WDR41: variants seen among roughly 807,000 people sequenced by gnomAD.
The protein encoded by WDR41 is WD repeat domain 41, also known as WD repeat-containing protein 41.
In WDR41, 63 loss-of-function variants were observed where a neutral mutation model predicts 69.3. The observed-to-expected ratio is 0.91, with a 90% CI of 0.74 to 1.12. The LOEUF is 1.12. Among genes scored for constraint, WDR41 ranks in the 50% most tolerant of loss-of-function variants. The probability of loss-of-function intolerance (pLI) is 0.00; values close to 1 mark genes in which losing one functional copy is unlikely to be tolerated. For synonymous variants in WDR41, 185 were observed against 192.1 expected, an observed-to-expected ratio of 0.96 and a Z score of 0.31; for missense variants, 543 against 534.5, an observed-to-expected ratio of 1.02 and a Z score of -0.16.
At chr5:77,441,090 C>G in intron 8 of WDR41, 93 bp from the exon 9 acceptor site, 1 of 1,346,512 alleles carries the variant, frequency 7.4e-7, no homozygotes, top group Non-Finnish European at 9.9e-7. Context: ...CCGTATAAAA[C>G]CACAGTAATT....
At chr5:77,546,549 A>G (rs1336635921) in intron 1 of WDR41, among the ~76,000 whole-genome samples, 1 of 152,140 alleles carries the variant, frequency 6.6e-6, no homozygotes, top group Non-Finnish European at 1.5e-5. Context: ...GGAAAGATAC[A>G]ACCCTCTTAG....
At chr5:77,451,171 C>T (rs983820769) in intron 7 of WDR41, 120 bp downstream of exon 7, 10 of 859,996 alleles carry the variant, frequency 1.2e-5, no homozygotes, top group Non-Finnish European at 1.8e-5. Flanking sequence ...TTCAACAATC[C>T]CAAGAAGCCA....
At chr5:77,578,128 C>A (rs1743866485) in intron 1 of WDR41, among the ~76,000 whole-genome samples, 1 of 152,152 alleles carries the variant, frequency 6.6e-6, no homozygotes. Context: ...CTACTAAATG[C>A]ATATTACTTT....
intron 1 of WDR41, among the ~76,000 whole-genome samples, chr5:77,532,057 C>A (rs184600759): frequency 6.8e-4 from 103 of 152,058 alleles, no homozygotes; most frequent in Admixed American, 9.8e-4. Context: ...TTGTGAATGA[C>A]TACTTGTGAA....
chr5:77,469,377 T>G (rs1800456355), intron 2 of WDR41, among the ~76,000 whole-genome samples: 1 of 152,162 alleles, frequency 6.6e-6, no homozygotes, highest in Admixed American at 6.6e-5. Context: ...TGTACCCTAG[T>G]TGTCTCTCCT....
In WDR41 at chr5:77,440,892, T is replaced by C; in HGVS notation, c.803A>G (p.Gln268Arg). The C allele has an allele frequency of 6.2e-7, 1 of 1,614,200 alleles. No individual in the cohort carries two copies. The highest frequency in any genetic ancestry group is 1.1e-5 in the South Asian group (1 of 91,084). Residue 268 changes from glutamine to arginine, a missense_variant, in exon 9 of 13, where the codon CAA becomes CGA. Transcript: ENST00000296679. ...TTTTATTTCTTGTTGGGTGTCCAGT[T>C]GTGGAGATGGGTCCCAGAAGTTGCG... is the stretch of plus-strand genomic sequence containing the variant. Reference protein sequence around the residue: ...YERNFWDPSPQLDTQQEIKLC... With the variant: ...YERNFWDPSPRLDTQQEIKLC...
chr5:77,478,487 G>A (rs1435646745), intron 2 of WDR41, among the ~76,000 whole-genome samples: 5 of 152,176 alleles, frequency 3.3e-5, no homozygotes, highest in African/African-American at 1.2e-4. Flanking sequence ...ATGATCAAGT[G>A]GGCTTCATCA....
intron 2 of WDR41, among the ~76,000 whole-genome samples, chr5:77,486,157 T>C (rs1055728707): frequency 2.0e-5 from 3 of 152,234 alleles, no homozygotes; most frequent in African/African-American, 7.2e-5. Context: ...CCTGTGTCCT[T>C]CTTACGAAGA....
chr5:77,527,775 A>C (rs1212187930), intron 1 of WDR41, among the ~76,000 whole-genome samples: 2 of 151,886 alleles, frequency 1.3e-5, no homozygotes, highest in Non-Finnish European at 3.0e-5. Flanking sequence ...GCTAAATGTC[A>C]ATATTTTTTA....
chr5:77,578,906 C>T (rs1743885245), intron 1 of WDR41, among the ~76,000 whole-genome samples: 1 of 145,616 alleles, frequency 6.9e-6, no homozygotes, highest in Non-Finnish European at 1.5e-5. Context: ...AAGGTATGAT[C>T]ATAGTGTCTC....
intron 1 of WDR41, among the ~76,000 whole-genome samples, chr5:77,558,363 A>G (rs1383581805): frequency 2.0e-5 from 3 of 152,300 alleles, no homozygotes; most frequent in East Asian, 1.9e-4. Context: ...ATATTCTTAC[A>G]TATGTGCCAG....
intron 1 of WDR41, among the ~76,000 whole-genome samples, chr5:77,499,169 T>C (rs1163877517): frequency 1.3e-5 from 2 of 152,202 alleles, no homozygotes; most frequent in African/African-American, 2.4e-5. Context: ...GACGTAACTC[T>C]TTAAGGACTC....
intron 1 of WDR41, among the ~76,000 whole-genome samples, chr5:77,595,648 G>A (rs918630935): frequency 5.3e-5 from 8 of 152,162 alleles, no homozygotes; most frequent in African/African-American, 1.4e-4. Flanking sequence ...GTCACAATTC[G>A]ACATGGCTTT....
chr5:77,577,419 G>A (rs1480690653), intron 1 of WDR41, among the ~76,000 whole-genome samples: 3 of 151,336 alleles, frequency 2.0e-5, no homozygotes, highest in Admixed American at 6.6e-5. Context: ...GCTCAATCTC[G>A]GTAGTAATCA....
chr5:77,580,922 C>T (rs1743928529), intron 1 of WDR41, among the ~76,000 whole-genome samples: 2 of 151,706 alleles, frequency 1.3e-5, no homozygotes, highest in Non-Finnish European at 2.9e-5. Flanking sequence ...CACTACTGCA[C>T]TCCAGCCTGG....
At chr5:77,612,526 G>C (rs1464678312) in intron 1 of WDR41, among the ~76,000 whole-genome samples, 2 of 152,122 alleles carry the variant, frequency 1.3e-5, no homozygotes, top group Non-Finnish European at 2.9e-5. Flanking sequence ...CATATAAACA[G>C]AACCAAAGAC....
chr5:77,523,332 T>A (rs796941973), intron 1 of WDR41, among the ~76,000 whole-genome samples: 7 of 152,196 alleles, frequency 4.6e-5, no homozygotes, highest in African/African-American at 1.7e-4. Context: ...ATTTTCTACC[T>A]TTTAGAATAA....
Position 77,467,671 on chromosome 5 carries a change from T to C in WDR41, c.168-2862A>G, listed in dbSNP as rs145349834. 7.4e-3 allele frequency among the ~76,000 whole-genome samples: 1,119 copies of C among 152,144 alleles called. 12 individuals are homozygous for C. Among genetic ancestry groups the C allele is most frequent in the Middle Eastern group, 0.031 (9 of 294 alleles). On this transcript the variant is annotated intron_variant, in intron 2 of 12. Transcript: ENST00000296679. ...AGTCTAATGAATCTCTGATTATCTCTGGCAGGTTTTAAGTGCTAAAGAAAT... is the reference window on the plus strand; with the variant it reads ...AGTCTAATGAATCTCTGATTATCTCCGGCAGGTTTTAAGTGCTAAAGAAAT...
Position 77,547,052 on chromosome 5 carries a change from G to T in WDR41, c.43-57480C>A, listed in dbSNP as rs150987977. On this transcript the variant is annotated intron_variant, in intron 1 of 5. Coordinates refer to the WDR41 transcript ENST00000509971. ...GATCATCTCAATAGATGCAGAAAAA[G>T]TATTCAACAAAATCAGCATCCCTTT... 1.8e-3 allele frequency among the ~76,000 whole-genome samples: 270 copies of T among 152,132 alleles called. 3 individuals carry two copies. The highest frequency in any genetic ancestry group is 6.4e-3 in the African/African-American group (264 of 41,460).
Sources: allele counts gnomAD v4.1 joint callset (sites outside exome capture counted in the v4.1 genomes callset), GRCh38; gene constraint gnomAD v4.1.1; transcripts MANE v1.5; gene names NCBI Gene and HGNC (gene_info 2026-07-23, HGNC 2026-07-21).